The following RYR2 variants were observed in gnomAD, a reference collection of about 807,000 sequenced individuals.
RYR2 encodes the protein ryanodine receptor 2, also known as cardiac muscle ryanodine receptor-calcium release channel.
In RYR2, 227 loss-of-function variants were observed where a neutral mutation model predicts 601.1. That is an observed-to-expected ratio of 0.38 (90% CI 0.34 to 0.42). The LOEUF (loss-of-function observed/expected upper bound fraction) is 0.42, where lower values mean the gene tolerates loss of function less well. RYR2 is among the 10% of genes least tolerant of loss of function. RYR2 has a pLI of 1.00. For missense variants in RYR2, 4,646 were observed against 6,156.5 expected, an observed-to-expected ratio of 0.75 and a Z score of 8.21; for synonymous variants, 2,223 against 2,175.1, an observed-to-expected ratio of 1.02 and a Z score of -0.61.
chr1:237,739,883 T>C (rs1318605537), intron 79 of RYR2, among the ~76,000 whole-genome samples: 1 of 152,210 alleles, frequency 6.6e-6, no homozygotes, highest in East Asian at 1.9e-4. Context: ...CTCATTACTG[T>C]GTTATGTATT....
At chr1:237,193,340 G>T (rs1465874683) in intron 1 of RYR2, among the ~76,000 whole-genome samples, 2 of 152,076 alleles carry the variant, frequency 1.3e-5, no homozygotes. Context: ...GGTGGCGGGA[G>T]CCTGTAGTCC....
chr1:237,116,436 CTT>C (rs917795592), intron 1 of RYR2, among the ~76,000 whole-genome samples: 55 of 152,182 alleles, frequency 3.6e-4, no homozygotes, highest in African/African-American at 1.3e-3. Flanking sequence ...AGGAGGTACT[CTT>C]ATATTAGTCA....
chr1:237,565,105 CTTTCTTTCTT>C (rs1460496721), intron 27 of RYR2, among the ~76,000 whole-genome samples: 9 of 86,716 alleles, frequency 1.0e-4, no homozygotes, highest in African/African-American at 2.1e-4. Context: ...CTTTTCTTTT[CTTTCTTTCTT>C]TTTCTTTCTT....
intron 1 of RYR2, among the ~76,000 whole-genome samples, chr1:237,224,318 T>G (rs1684128877): frequency 6.6e-6 from 1 of 152,106 alleles, no homozygotes; most frequent in Admixed American, 6.5e-5. Context: ...GTTAATCAAC[T>G]GTTTATGTTA....
intron 100 of RYR2, 96 bp downstream of exon 100, chr1:237,809,131 A>G: frequency 8.8e-7 from 1 of 1,134,558 alleles, no homozygotes; most frequent in Non-Finnish European, 1.3e-6. Flanking sequence ...TACAAAATAG[A>G]AAATAGTCTA....
intron 56 of RYR2, among the ~76,000 whole-genome samples, chr1:237,661,702 C>T (rs1288937444): frequency 2.0e-5 from 3 of 152,100 alleles, no homozygotes; most frequent in Non-Finnish European, 4.4e-5. Flanking sequence ...AAGGGCGCTC[C>T]TGTCTGCAGA....
rs887388837 is a variant in RYR2 at position 237,833,687 on chromosome 1, C to A, written c.*1040C>A. 2 of 152,588 alleles carry A rather than the reference C, an allele frequency of 1.3e-5. No individual in the cohort carries two copies. The highest frequency in any genetic ancestry group is 4.8e-5 in the African/African-American group (2 of 41,442). 9.5% of individuals were successfully genotyped at this position (152,588 alleles called of 1,614,324 possible). A position where few individuals can be genotyped will look rare whatever the true frequency, so the allele number is the denominator to read the frequency against. ...TAGTTTTGGGTTTTGCTCATTCTTT[C>A]AGCCACCTGTGATCAGTTTTGTTGA... On this transcript the variant is annotated 3_prime_UTR_variant, in exon 105 of 105. Transcript: ENST00000366574.
intron 80 of RYR2, among the ~76,000 whole-genome samples, chr1:237,751,781 A>T (rs1338450652): frequency 6.6e-6 from 1 of 152,220 alleles, no homozygotes; most frequent in African/African-American, 2.4e-5. Context: ...TCCTATCAAG[A>T]AGCAGAATTC....
chr1:237,389,600 A>T (rs907540028), intron 10 of RYR2, among the ~76,000 whole-genome samples: 1 of 152,210 alleles, frequency 6.6e-6, no homozygotes, highest in Non-Finnish European at 1.5e-5. Context: ...ACATTTAGAT[A>T]AAAGTGATGG....
chr1:237,608,633 A>G (rs1235221118), intron 35 of RYR2, among the ~76,000 whole-genome samples: 3 of 152,032 alleles, frequency 2.0e-5, no homozygotes, highest in South Asian at 2.1e-4. Context: ...GAGTGCAGAC[A>G]TGGAGGCTGC....
intron 25 of RYR2, among the ~76,000 whole-genome samples, chr1:237,546,904 C>G (rs752955739): frequency 5.6e-4 from 83 of 148,782 alleles, no homozygotes; most frequent in Middle Eastern, 3.3e-3. Flanking sequence ...AGGAGCTTGC[C>G]TTGTAATGAT....
intron 85 of RYR2, among the ~76,000 whole-genome samples, 194 bp from the exon 86 acceptor site, chr1:237,771,818 G>C (rs756622665): frequency 6.6e-6 from 1 of 152,068 alleles, no homozygotes; most frequent in Admixed American, 6.5e-5. Flanking sequence ...CATCAATGGA[G>C]CACCCAGATA....
chr1:237,475,245 C>A (rs1661273363), intron 17 of RYR2, among the ~76,000 whole-genome samples: 1 of 152,168 alleles, frequency 6.6e-6, no homozygotes, highest in African/African-American at 2.4e-5. Context: ...AATCACCCCA[C>A]TGTGTTCTCT....
At chr1:237,500,024 T>C (rs1450430078) in intron 20 of RYR2, among the ~76,000 whole-genome samples, 1 of 152,214 alleles carries the variant, frequency 6.6e-6, no homozygotes, top group African/African-American at 2.4e-5. Context: ...TATCCTGCTT[T>C]ACTTAAGAAG....
rs10802626 is a variant in RYR2 at position 237,633,537 on chromosome 1, G to A, written c.6556-41G>A. ...AACGTATGAACTCAATTTTATAAAG[G>A]TCGTTTGCTTTCAGCAGCTAATGAC... is the stretch of plus-strand genomic sequence containing the variant. On this transcript the variant is annotated intron_variant, in intron 42 of 104. Coordinates refer to ENST00000366574, the MANE Select transcript of RYR2 (RefSeq NM_001035.3). The A allele has an allele frequency of 0.35, 569,744 of 1,610,230 alleles. 102,991 individuals carry two copies. Among genetic ancestry groups the A allele is most frequent in the African/African-American group, 0.51 (37,863 of 74,834 alleles).
At chr1:237,693,286 A>G (rs1014903423) in intron 63 of RYR2, among the ~76,000 whole-genome samples, 3 of 152,100 alleles carry the variant, frequency 2.0e-5, no homozygotes, top group Admixed American at 2.0e-4. Flanking sequence ...AAAATAACAC[A>G]TAATTAATGA....
intron 25 of RYR2, among the ~76,000 whole-genome samples, chr1:237,535,214 G>C (rs899834968): frequency 2.6e-5 from 4 of 151,420 alleles, no homozygotes; most frequent in Admixed American, 2.0e-4. Context: ...GGTGGGGGCG[G>C]GATGAAATAT....
At chr1:237,142,693 G>A (rs1048231947) in intron 1 of RYR2, among the ~76,000 whole-genome samples, 2 of 152,168 alleles carry the variant, frequency 1.3e-5, no homozygotes, top group East Asian at 1.9e-4. Context: ...GATCTCGTCC[G>A]CACTGTGAGC....
At chr1:237,655,067 C>T (rs1683110468) in intron 52 of RYR2, among the ~76,000 whole-genome samples, 1 of 152,256 alleles carries the variant, frequency 6.6e-6, no homozygotes, top group East Asian at 1.9e-4. Flanking sequence ...CACTAATTTG[C>T]TACATAATAG....
Sources: gnomAD v4.1 joint callset for allele counts (sites outside exome capture counted in the v4.1 genomes callset) on GRCh38, gnomAD v4.1.1 for gene constraint, MANE v1.5 for transcripts, NCBI Gene and HGNC (gene_info 2026-07-23, HGNC 2026-07-21) for gene names.